Variants in SNX7 observed in about 807,000 individuals in gnomAD.
The protein encoded by SNX7 is sorting nexin-7.
SNX7 carries 35 observed loss-of-function variants against 48.4 expected under a neutral mutation model. That is an observed-to-expected ratio of 0.72 (90% CI 0.55 to 0.96). SNX7 has a LOEUF of 0.96. Ranked by LOEUF, SNX7 falls within the 40% of genes least tolerant of loss-of-function variation. The pLI is 0.00. For synonymous variants in SNX7, 190 were observed against 190.2 expected (o/e 1.00, Z 0.01); for missense variants, 553 against 548.9 (o/e 1.01, Z -0.07).
intron 7 of SNX7, among the ~76,000 whole-genome samples, chr1:98,723,870 A>G (rs991803640): frequency 2.0e-5 from 3 of 152,110 alleles, no homozygotes; most frequent in African/African-American, 7.2e-5. Flanking sequence ...CAAAAAAAAA[A>G]GAAAGAAAAT....
chr1:98,664,547 ACTT>A (rs1449963072), intron 1 of SNX7, among the ~76,000 whole-genome samples: 5 of 151,962 alleles, frequency 3.3e-5, no homozygotes, highest in Non-Finnish European at 7.4e-5. Context: ...AAACAAAACA[ACTT>A]CTTATTATTT....
chr1:98,699,532 A>G (rs375845401), intron 6 of SNX7, among the ~76,000 whole-genome samples: 6 of 152,168 alleles, frequency 3.9e-5, no homozygotes, highest in Non-Finnish European at 8.8e-5. Context: ...TTCTGTGCCT[A>G]CAATACTTTA....
intron 8 of SNX7, among the ~76,000 whole-genome samples, chr1:98,739,926 T>G (rs1291308524): frequency 6.6e-6 from 1 of 152,170 alleles, no homozygotes; most frequent in Non-Finnish European, 1.5e-5. Flanking sequence ...ACTTGCCTTT[T>G]GGAAAGATTG....
chr1:98,718,887 G>A (rs142609102), intron 7 of SNX7, among the ~76,000 whole-genome samples: 1 of 152,190 alleles, frequency 6.6e-6, no homozygotes, highest in East Asian at 1.9e-4. Flanking sequence ...ATGTTTTACA[G>A]CTACATGATA....
intron 7 of SNX7, among the ~76,000 whole-genome samples, chr1:98,702,952 C>T (rs1204367475): frequency 6.6e-6 from 1 of 152,048 alleles, no homozygotes; most frequent in Non-Finnish European, 1.5e-5. Flanking sequence ...CCTCCTCAGC[C>T]CTGACCTGGC....
chr1:98,708,899 A>G (rs1483677381), intron 7 of SNX7, among the ~76,000 whole-genome samples: 1 of 152,168 alleles, frequency 6.6e-6, no homozygotes, highest in Non-Finnish European at 1.5e-5. Flanking sequence ...GAATTTTACC[A>G]TATTGGATTT....
chr1:98,729,458 C>CA (rs752897710), intron 7 of SNX7, among the ~76,000 whole-genome samples: 9 of 148,174 alleles, frequency 6.1e-5, no homozygotes, highest in African/African-American at 1.7e-4. Flanking sequence ...GATAGAGACA[C>CA]AAAAAACCCT....
chr1:98,740,505 A>G (rs1368836033), intron 8 of SNX7, among the ~76,000 whole-genome samples: 10 of 152,182 alleles, frequency 6.6e-5, no homozygotes, highest in Admixed American at 6.5e-4. Flanking sequence ...TGACAAATGC[A>G]CTTAATATTA....
chr1:98,760,241 C>A lies in SNX7; in HGVS notation c.*110C>A. 2.4e-6 allele frequency: 2 copies of A among 817,716 alleles called. No individual in the cohort carries two copies. Among genetic ancestry groups the A allele is most frequent in the Non-Finnish European group, 4.0e-6 (2 of 504,270 alleles). The allele number at this position is 817,716 out of a possible 1,614,324, so 50.7% of individuals were successfully genotyped here. ...AAGTGGATGAAAAATGTTTTGTACC[C>A]ATCTGGAAAACCAACAACTTGAAAT... On this transcript the variant is annotated 3_prime_UTR_variant, in exon 9 of 9. Coordinates refer to ENST00000306121, the MANE Select transcript of SNX7 (RefSeq NM_015976.5).
chr1:98,720,059 C>T (rs12118149), intron 7 of SNX7, among the ~76,000 whole-genome samples: 43,545 of 151,438 alleles, frequency 0.29, 6,814 homozygotes, highest in Non-Finnish European at 0.34. Context: ...TCATATGCAA[C>T]GATGATAAGA....
intron 7 of SNX7, among the ~76,000 whole-genome samples, chr1:98,736,950 AT>A (rs935048735): frequency 1.3e-5 from 2 of 152,142 alleles, no homozygotes; most frequent in Non-Finnish European, 2.9e-5. Context: ...AGATGATGTC[AT>A]TTTTGCTCAA....
chr1:98,753,914 G>A (rs1315836885), intron 8 of SNX7, among the ~76,000 whole-genome samples: 1 of 152,012 alleles, frequency 6.6e-6, no homozygotes, highest in Non-Finnish European at 1.5e-5. Context: ...AGATTTGTGA[G>A]TGGTTTATGA....
intron 1 of SNX7, among the ~76,000 whole-genome samples, chr1:98,663,266 T>C (rs1317630153): frequency 1.9e-5 from 1 of 53,606 alleles, no homozygotes; most frequent in African/African-American, 5.7e-5. Context: ...TTTTTTTTTT[T>C]TTTTTTTTTT....
chr1:98,683,053 A>G (rs1045223585), intron 1 of SNX7, among the ~76,000 whole-genome samples: 4 of 151,830 alleles, frequency 2.6e-5, no homozygotes, highest in Admixed American at 1.3e-4. Context: ...TGTTCTCTGA[A>G]TTTTCTTTTT....
intron 7 of SNX7, among the ~76,000 whole-genome samples, chr1:98,723,628 C>T (rs915553731): frequency 8.6e-5 from 13 of 151,902 alleles, no homozygotes; most frequent in Admixed American, 2.6e-4. Context: ...CCTAGGTGGG[C>T]GGATCACCTG....
chr1:98,756,422 GT>G (rs35117249), intron 8 of SNX7, among the ~76,000 whole-genome samples: 2,911 of 54,626 alleles, frequency 0.053, 78 homozygotes, highest in African/African-American at 0.15. Context: ...TGCCAGATGA[GT>G]TTTTTTTTTT....
At chr1:98,679,476 GT>G (rs1650358090) in intron 1 of SNX7, among the ~76,000 whole-genome samples, 1 of 151,950 alleles carries the variant, frequency 6.6e-6, no homozygotes, top group South Asian at 2.1e-4. Context: ...AGTCCCCAAA[GT>G]TTCATCTCAT....
chr1:98,701,612 A>G (rs560189147), intron 6 of SNX7, among the ~76,000 whole-genome samples: 3 of 152,196 alleles, frequency 2.0e-5, no homozygotes, highest in East Asian at 3.9e-4. Context: ...TTATAGGAAA[A>G]AAAACCCTCT....
rs550688980 is a variant in SNX7, at chr1:98,707,981, T to G, written c.1125+6078T>G. Among the ~76,000 whole-genome samples the G allele has an allele frequency of 2.0e-5, 3 of 152,328 alleles. No individual in the cohort carries two copies. In the East Asian group the frequency reaches 5.8e-4, roughly 29 times the overall value. The stretch of plus-strand genomic sequence containing the variant: ...TGGTGCACAGAGCAAGATTGCCTTC[T>G]CTCTCTAATTCTAGGAAGCTTTAAA... On this transcript the variant is annotated intron_variant, in intron 7 of 8. Transcript: ENST00000306121.
Sources: allele counts gnomAD v4.1 joint callset (sites outside exome capture counted in the v4.1 genomes callset), GRCh38; gene constraint gnomAD v4.1.1; transcripts MANE v1.5; gene names NCBI Gene and HGNC (gene_info 2026-07-23, HGNC 2026-07-21).